ZNF799: variants seen among roughly 807,000 people sequenced by gnomAD.
ZNF799 encodes zinc finger protein 799.
ZNF799 carries 28 observed loss-of-function variants against 41.0 expected under a neutral mutation model. The ratio of observed to expected loss-of-function variants is 0.68; its 90% CI spans 0.51 to 0.94. ZNF799 has a LOEUF of 0.94. Ranked by LOEUF, ZNF799 falls within the 40% of genes least tolerant of loss-of-function variation. ZNF799 has a pLI of 0.00. For synonymous variants in ZNF799, 213 were observed against 252.9 expected, an observed-to-expected ratio of 0.84 and a Z score of 1.50; for missense variants, 716 against 764.3, an observed-to-expected ratio of 0.94 and a Z score of 0.74.
intron 2 of ZNF799, 109 bp from the exon 3 acceptor site, chr19:12,392,772 C>T (rs1307668690): frequency 1.6e-5 from 13 of 808,398 alleles, no homozygotes; most frequent in East Asian, 2.7e-5. Flanking sequence ...CTGAAGTACA[C>T]CTGACTCTTG....
rs749664934 is a variant in ZNF799, at chr19:12,391,901, T to C, written c.497A>G (p.Lys166Arg). The C allele has an allele frequency of 1.2e-6, 2 of 1,614,252 alleles. No homozygotes were observed. The stretch of plus-strand genomic sequence containing the variant: ...ACATTCTTTACAATTATATGGTTTC[T>C]TTCCAGTGTGAAGCCTCTCATGTGT... ...LQTHERLHTGKKPYNCKECGK... is the reference protein window; with the variant it reads ...LQTHERLHTGRKPYNCKECGK... The change falls in exon 4 of 4, where the codon AAG becomes AGG. Residue 166 changes from lysine (K) to arginine (R), a missense_variant. Physicochemically the swap from Lys to Arg is conservative, Grantham distance 26. Coordinates refer to ENST00000430385, the MANE Select transcript of ZNF799 (RefSeq NM_001080821.3).
the ZNF799 span, among the ~76,000 whole-genome samples, chr19:12,408,181 A>G: frequency 6.6e-6 from 1 of 152,166 alleles, no homozygotes; most frequent in Non-Finnish European, 1.5e-5. Context: ...AAAAGAAAAG[A>G]AAAGAAAAGA....
chr19:12,392,239 C>T (rs1267267216), intron 3 of ZNF799, 33 bp from the exon 4 acceptor site: 2 of 1,523,536 alleles, frequency 1.3e-6, no homozygotes, highest in African/African-American at 1.4e-5. Context: ...CACTAAAAGT[C>T]GGTCTATAAA....
the ZNF799 span, among the ~76,000 whole-genome samples, chr19:12,409,206 T>G: frequency 1.5e-5 from 1 of 67,052 alleles, no homozygotes; most frequent in Non-Finnish European, 3.9e-5. Context: ...ACGCACAACC[T>G]AGATCCCCTT....
chr19:12,398,833 A>G (rs1206356609), intron 1 of ZNF799, among the ~76,000 whole-genome samples: 1 of 152,188 alleles, frequency 6.6e-6, no homozygotes. Context: ...AAGTCCTGAA[A>G]TTCCATCTGA....
chr19:12,395,884 T>A (rs914498832), intron 1 of ZNF799, among the ~76,000 whole-genome samples: 10 of 152,256 alleles, frequency 6.6e-5, no homozygotes, highest in African/African-American at 1.4e-4. Flanking sequence ...GTATGCTTTA[T>A]CTTTTTTACT....
At chr19:12,398,296 G>T (rs1969930423) in intron 1 of ZNF799, 1 of 152,088 alleles carries the variant, frequency 6.6e-6, no homozygotes, top group Non-Finnish European at 1.5e-5. Context: ...GTCTTAGCTG[G>T]AGGTGGGGGC....
intron 1 of ZNF799, among the ~76,000 whole-genome samples, chr19:12,399,587 G>A (rs1969947839): frequency 6.7e-6 from 1 of 148,390 alleles, no homozygotes. Context: ...TGGGAGGAGT[G>A]ACCCAGGGGA....
chr19:12,407,886 T>C, the ZNF799 span, among the ~76,000 whole-genome samples: 1 of 152,160 alleles, frequency 6.6e-6, no homozygotes, highest in Non-Finnish European at 1.5e-5. Context: ...GCTAGTTGGG[T>C]AGCTCATGTG....
chr19:12,402,680 C>CATTGAAATG (rs752872840), upstream of ZNF799, among the ~76,000 whole-genome samples: 10 of 151,800 alleles, frequency 6.6e-5, no homozygotes, highest in Non-Finnish European at 1.2e-4. Context: ...TTTCAGTGCA[C>CATTGAAATG]ATTGAAATGA....
rs147600422 is a variant in ZNF799, at chr19:12,397,706, T to A, written c.3+3362A>T. Among the ~76,000 whole-genome samples the A allele has an allele frequency of 8.9e-3, 1,333 of 149,320 alleles. 14 individuals carry two copies. The highest frequency in any genetic ancestry group is 0.031 in the African/African-American group (1,241 of 40,486). On this transcript the variant is annotated intron_variant, in intron 1 of 3. Coordinates refer to ENST00000430385, the MANE Select transcript of ZNF799 (RefSeq NM_001080821.3). ...AAGGAAGTTGAAAAAAACCGACAAG[T>A]ATAACAAATGTAAAACAATTATATA...
At chr19:12,404,603 TAA>T (rs1970017511), upstream of ZNF799, among the ~76,000 whole-genome samples, 1 of 152,152 alleles carries the variant, frequency 6.6e-6, no homozygotes, top group Non-Finnish European at 1.5e-5. Context: ...GTGCCAGTCT[TAA>T]AGACAGCAGC....
the ZNF799 span, among the ~76,000 whole-genome samples, chr19:12,412,722 C>T: frequency 6.6e-6 from 1 of 151,930 alleles, no homozygotes; most frequent in Non-Finnish European, 1.5e-5. Flanking sequence ...TGATCCACGG[C>T]CCACATCCTG....
At chr19:12,395,019 T>C (rs1378782354) in intron 1 of ZNF799, 2 of 276,838 alleles carry the variant, frequency 7.2e-6, no homozygotes, top group South Asian at 1.4e-4. Context: ...GCAGCCTGAG[T>C]TCCCGGTATA....
chr19:12,401,106 G>A lies in ZNF799; in HGVS notation c.-36C>T, dbSNP rs371449385. 9.2e-5 allele frequency: 148 copies of A among 1,613,390 alleles called. No individual in the cohort carries two copies. Among genetic ancestry groups the A allele is most frequent in the Non-Finnish European group, 1.2e-4 (141 of 1,179,760 alleles). ...CCGCGGTGTCCCAGGTCCTCCGGAC[G>A]GCTCCCGCTGCCAATGCGGGTTCCC... On this transcript the variant is annotated 5_prime_UTR_variant, in exon 1 of 4. Transcript: ENST00000430385.
At chr19:12,392,503 T>A in intron 3 of ZNF799, 100 bp downstream of exon 3, 1 of 1,193,564 alleles carries the variant, frequency 8.4e-7, no homozygotes, top group Admixed American at 2.4e-5. Flanking sequence ...ATAAATAAAT[T>A]TAAGCTAGGC....
At chr19:12,409,330 C>A in the ZNF799 span, among the ~76,000 whole-genome samples, 3 of 152,192 alleles carry the variant, frequency 2.0e-5, no homozygotes, top group Non-Finnish European at 4.4e-5. Flanking sequence ...TCCTGCTGTG[C>A]CACCCGGTTC....
Position 12,391,467 on chromosome 19 carries a change from A to G in ZNF799, c.931T>C (p.Cys311Arg), listed in dbSNP as rs750413185. ...TTHTDEKPYA[C>R]QQCGKAFHHL... Reference sequence around the variant, plus strand: ...TGAAACGCTTTCCCACATTGCTGACATGCATAGGGTTTCTCATCAGTGTGA... The same window carrying G: ...TGAAACGCTTTCCCACATTGCTGACGTGCATAGGGTTTCTCATCAGTGTGA... Residue 311 changes from cysteine (C) to arginine (R), a missense_variant, in exon 4 of 4, where the codon TGT becomes CGT. By Grantham distance (180) the Cys-to-Arg change is radical. Transcript: ENST00000430385. 5.0e-6 allele frequency: 8 copies of G among 1,614,122 alleles called. No individual in the cohort carries two copies. In the South Asian group the frequency reaches 7.7e-5, roughly 16 times the overall value.
rs1969979341 is a variant in ZNF799 at position 12,401,181 on chromosome 19, G to GCCGAGCA, written c.-118_-112dup. On this transcript the variant is annotated 5_prime_UTR_variant, in exon 1 of 4. Transcript: ENST00000430385. Reference sequence around the variant, plus strand: ...TTCCAGGTCGTCTCTTAGCTACAGAGCCGAGCACCGAGCGCCCAGCGCAGG... The same window carrying GCCGAGCA: ...TTCCAGGTCGTCTCTTAGCTACAGAGCCGAGCACCGAGCACCGAGCGCCCAGCGCAGG... 6.3e-7 allele frequency: 1 copy of GCCGAGCA among 1,590,700 alleles called. No individual in the cohort carries two copies. Among genetic ancestry groups the GCCGAGCA allele is most frequent in the African/African-American group, 1.3e-5 (1 of 74,616 alleles).
Sources: allele counts gnomAD v4.1 joint callset (sites outside exome capture counted in the v4.1 genomes callset), GRCh38; gene constraint gnomAD v4.1.1; transcripts MANE v1.5; gene names NCBI Gene and HGNC (gene_info 2026-07-23, HGNC 2026-07-21).